The following MCTS1 variants were observed in gnomAD, a reference collection of about 807,000 sequenced individuals.
MCTS1 encodes malignant T-cell-amplified sequence 1.
For synonymous variants in MCTS1, 26 were observed against 40.8 expected (o/e 0.64, Z 1.38); for missense variants, 55 against 128.6 (o/e 0.43, Z 2.77).
At chrX:120,605,065 C>T (rs1926498546) in intron 1 of MCTS1, among the ~76,000 whole-genome samples, 1 of 110,655 alleles carries the variant, frequency 9.0e-6, no homozygotes, top group Non-Finnish European at 1.9e-5. Flanking sequence ...TTGGTGGGAG[C>T]CTGTGTTTCT....
Position 120,605,625 on chromosome X carries a change from C to T in MCTS1, c.164+66C>T. The stretch of plus-strand genomic sequence containing the variant: ...GAATATTTAATGATTAGATTGCACT[C>T]ATACTAAATGGAATTATTTTCAGAT... On this transcript the variant is annotated intron_variant, in intron 2 of 5. Coordinates refer to ENST00000371317, the MANE Select transcript of MCTS1 (RefSeq NM_014060.3). 4 of 1,021,607 alleles carry T rather than the reference C, an allele frequency of 3.9e-6. No individual in the cohort carries two copies. In the South Asian group the frequency reaches 9.3e-5, roughly 24 times the overall value. 84.2% of individuals were successfully genotyped at this position (1,021,607 alleles called of 1,213,427 possible). A position where few individuals can be genotyped will look rare whatever the true frequency, so the allele number is the denominator to read the frequency against.
At position 120,616,732 on chromosome X, in the gene MCTS1, C is replaced by T. The variant is rs1236144569; in HGVS notation, c.*4468C>T. ...ACTCATTAGTATAATTAATACTTGC[C>T]TCTTAGAATGAAAATTAAAGAACTC... On this transcript the variant is annotated 3_prime_UTR_variant, in exon 6 of 6. Transcript: ENST00000371317. 8.9e-6 allele frequency among the ~76,000 whole-genome samples: 1 copy of T among 111,952 alleles called. No individual in the cohort carries two copies. Among genetic ancestry groups the T allele is most frequent in the African/African-American group, 3.2e-5 (1 of 30,900 alleles).
chrX:120,608,667 A>C (rs989863309), intron 4 of MCTS1, among the ~76,000 whole-genome samples: 1 of 112,128 alleles, frequency 8.9e-6, no homozygotes, highest in African/African-American at 3.2e-5. Flanking sequence ...ATTCTTGATT[A>C]CTAGGGGAAA....
chrX:120,604,170 C>T lies in MCTS1; in HGVS notation c.-67C>T. 1 of 1,168,661 alleles carries T rather than the reference C, an allele frequency of 8.6e-7. No individual in the cohort carries two copies. The highest frequency in any genetic ancestry group is 1.2e-6 in the Non-Finnish European group (1 of 858,906). ...TCCTCGTGTGAGGGGATCTGCCGGA[C>T]CCCTGCAAATTCAATTTCTTTCCCA... On this transcript the variant is annotated 5_prime_UTR_variant, in exon 1 of 6. Transcript: ENST00000371317.
At chrX:120,604,922 T>G in intron 1 of MCTS1, 12 of 1,099,111 alleles carry the variant, frequency 1.1e-5, no homozygotes, top group Non-Finnish European at 1.4e-5. Flanking sequence ...TTAGAAATCA[T>G]TATTATCATC....
Position 120,605,541 on chromosome X carries a change from C to T in MCTS1, c.146C>T (p.Pro49Leu). The change falls in exon 2 of 6, where the codon CCT becomes CTT. Residue 49 changes from proline (P) to leucine (L), a missense_variant. Physicochemically the swap from Pro to Leu is moderately conservative, Grantham distance 98. Coordinates refer to ENST00000371317, the MANE Select transcript of MCTS1 (RefSeq NM_014060.3). ...WLNQIMPKKD[P>L]VKIVRCHEHI... ...AATCAAATCATGCCTAAGAAAGATC[C>T]TGTCAAAATAGTCCGATGGTAAGTC... The T allele has an allele frequency of 8.3e-7, 1 of 1,199,080 alleles. No homozygotes were observed. The highest frequency in any genetic ancestry group is 1.1e-6 in the Non-Finnish European group (1 of 891,665).
chrX:120,617,237 G>A lies in MCTS1; in HGVS notation c.*4973G>A, dbSNP rs1298122100. On this transcript the variant is annotated 3_prime_UTR_variant, in exon 6 of 6. Coordinates refer to ENST00000371317, the MANE Select transcript of MCTS1 (RefSeq NM_014060.3). ...GATGGAGTCTTGCTTCATTGCCCAG[G>A]CTGGAGTGCAATGGCACGATCTCGG... 8.9e-6 allele frequency among the ~76,000 whole-genome samples: 1 copy of A among 112,186 alleles called. No individual in the cohort carries two copies. The highest frequency in any genetic ancestry group is 1.9e-5 in the Non-Finnish European group (1 of 53,264).
At chrX:120,605,882 A>G (rs1926518630) in intron 2 of MCTS1, among the ~76,000 whole-genome samples, 197 bp from the exon 3 acceptor site, 1 of 112,785 alleles carries the variant, frequency 8.9e-6, no homozygotes, top group Admixed American at 9.4e-5. Context: ...TGTGAAATAA[A>G]ATTGGTTGTA....
At position 120,613,480 on chromosome X, in the gene MCTS1, A is replaced by G. The variant is rs1926758008; in HGVS notation, c.*1216A>G. Reference sequence around the variant, plus strand: ...TGTTGGTTTGCTTGAAATAGGTACCACACAAGGTTCATACATTGCATTTGG... The same window carrying G: ...TGTTGGTTTGCTTGAAATAGGTACCGCACAAGGTTCATACATTGCATTTGG... On this transcript the variant is annotated 3_prime_UTR_variant, in exon 6 of 6. Transcript: ENST00000371317. Among the ~76,000 whole-genome samples the G allele has an allele frequency of 8.9e-6, 1 of 112,379 alleles. No individual in the cohort carries two copies. The highest frequency in any genetic ancestry group is 9.5e-5 in the Admixed American group (1 of 10,560).
At position 120,615,774 on chromosome X, in the gene MCTS1, G is replaced by A. The variant is rs898614104; in HGVS notation, c.*3510G>A. 9.0e-6 allele frequency among the ~76,000 whole-genome samples: 1 copy of A among 111,386 alleles called. No homozygotes were observed. The highest frequency in any genetic ancestry group is 1.9e-5 in the Non-Finnish European group (1 of 53,067). The stretch of plus-strand genomic sequence containing the variant: ...GCAGACTGTCTGTTATGGTGGTTTG[G>A]TAGTGGTCTGTTGGGAAGCTGCATT... On this transcript the variant is annotated 3_prime_UTR_variant, in exon 6 of 6. Transcript: ENST00000371317.
At chrX:120,610,756 G>A (rs1265109524) in intron 4 of MCTS1, 2 of 275,929 alleles carry the variant, frequency 7.2e-6, no homozygotes, top group African/African-American at 5.4e-5. Flanking sequence ...TTGTTAGCAT[G>A]GGGTTATAGT....
At chrX:120,604,388 C>T in intron 1 of MCTS1, 141 bp downstream of exon 1, 2 of 771,757 alleles carry the variant, frequency 2.6e-6, no homozygotes, top group Non-Finnish European at 3.7e-6. Context: ...TAGTACTATG[C>T]TCTCACTCCC....
chrX:120,609,749 G>A (rs2147373970), intron 4 of MCTS1, among the ~76,000 whole-genome samples: 1 of 111,275 alleles, frequency 9.0e-6, no homozygotes, highest in East Asian at 2.8e-4. Context: ...AACCTTAAAT[G>A]GAAAATTTCC....
In MCTS1 at chrX:120,611,099, C is replaced by T. The variant is rs749457627; in HGVS notation, c.464+21C>T. 6 of 1,201,567 alleles carry T rather than the reference C, an allele frequency of 5.0e-6. No homozygotes were observed. In the South Asian group the frequency reaches 1.1e-4, roughly 21 times the overall value. ...GACATGTAAGTCTTACTTTAGGCCC[C>T]CTTAACTTTTGATATATGGGTAACC... is the stretch of plus-strand genomic sequence containing the variant. On this transcript the variant is annotated intron_variant, in intron 5 of 5. Transcript: ENST00000371317.
chrX:120,608,406 T>C, intron 4 of MCTS1, 48 bp downstream of exon 4: 3 of 1,113,149 alleles, frequency 2.7e-6, no homozygotes, highest in Non-Finnish European at 3.6e-6. Flanking sequence ...CATTGTGCTC[T>C]TATCATTACT....
At chrX:120,607,325 GAGA>G (rs768020656) in intron 3 of MCTS1, among the ~76,000 whole-genome samples, 2 of 111,620 alleles carry the variant, frequency 1.8e-5, no homozygotes, top group South Asian at 3.7e-4. Context: ...TCTTTGTGTT[GAGA>G]AGATTACAAT....
chrX:120,612,759 CAT>C lies in MCTS1; in HGVS notation c.*498_*499del, dbSNP rs1287276991. On this transcript the variant is annotated 3_prime_UTR_variant, in exon 6 of 6. Coordinates refer to ENST00000371317, the MANE Select transcript of MCTS1 (RefSeq NM_014060.3). ...AAAAACTTCAATGGAAAATTCTAAACATATTAAGAAGTCTGGAGAATAGTATA... is the reference window on the plus strand; with the variant it reads ...AAAAACTTCAATGGAAAATTCTAAACATTAAGAAGTCTGGAGAATAGTATA... Among the ~76,000 whole-genome samples the C allele has an allele frequency of 1.9e-5, 2 of 107,037 alleles. No individual in the cohort carries two copies. Among genetic ancestry groups the C allele is most frequent in the Non-Finnish European group, 3.8e-5 (2 of 52,043 alleles). 92.9% of individuals were successfully genotyped at this position (107,037 alleles called of 115,157 possible). A position where few individuals can be genotyped will look rare whatever the true frequency, so the allele number is the denominator to read the frequency against.
intron 2 of MCTS1, 37 bp downstream of exon 2, chrX:120,605,596 A>T: frequency 8.7e-7 from 1 of 1,145,807 alleles, no homozygotes; most frequent in Non-Finnish European, 1.2e-6. Flanking sequence ...AGCTCGGTAT[A>T]GCTGAATATT....
At position 120,610,093 on chromosome X, in the gene MCTS1, G is replaced by A. The variant is rs369792555; in HGVS notation, c.397-918G>A. Among the ~76,000 whole-genome samples the A allele has an allele frequency of 2.6e-4, 29 of 110,867 alleles. No individual in the cohort carries two copies. The South Asian group carries it at 0.011, about 40-fold the overall frequency. ...TCCCAGCACTTTAGGAGGCTGAGGC[G>A]GGCAGATCACCTGAGGTCAGGAGTT... On this transcript the variant is annotated intron_variant, in intron 4 of 5. Coordinates refer to ENST00000371317, the MANE Select transcript of MCTS1 (RefSeq NM_014060.3).
Sources: allele counts gnomAD v4.1 joint callset (sites outside exome capture counted in the v4.1 genomes callset), GRCh38; gene constraint gnomAD v4.1.1; transcripts MANE v1.5; gene names NCBI Gene and HGNC (gene_info 2026-07-23, HGNC 2026-07-21).